RPS6KA6: variants seen among roughly 807,000 people sequenced by gnomAD.
RPS6KA6 encodes ribosomal protein S6 kinase A6.
Under a neutral mutation model 65.4 loss-of-function variants are expected in RPS6KA6, and 27 were observed. The ratio of observed to expected loss-of-function variants is 0.41; its 90% confidence interval spans 0.30 to 0.57. The LOEUF is 0.57. Among genes scored for constraint, RPS6KA6 ranks in the 20% least tolerant of loss-of-function variants. The pLI is 0.24. For synonymous variants in RPS6KA6, 190 were observed against 184.2 expected (o/e 1.03, Z -0.26); for missense variants, 486 against 555.6 (o/e 0.87, Z 1.26).
chrX:84,182,869 T>A (rs1420039341), intron 1 of RPS6KA6, among the ~76,000 whole-genome samples: 1 of 112,334 alleles, frequency 8.9e-6, no homozygotes, highest in Non-Finnish European at 1.9e-5. Flanking sequence ...GTACTGGTCA[T>A]TATTTTCAGA....
chrX:84,120,911 A>G (rs2034660417), intron 8 of RPS6KA6, among the ~76,000 whole-genome samples: 1 of 112,233 alleles, frequency 8.9e-6, no homozygotes, highest in Admixed American at 9.5e-5. Flanking sequence ...TTCAACACTT[A>G]CTATAAAGCT....
chrX:84,064,084 A>T lies in RPS6KA6; in HGVS notation c.*193T>A. On this transcript the variant is annotated 3_prime_UTR_variant, in exon 22 of 22. Transcript: ENST00000262752. ...ATGCTTAAATAAACACTTGAACACT[A>T]CTGCAAACACATAGTATGAATATTG... 2.3e-6 allele frequency: 1 copy of T among 429,227 alleles called. No individual in the cohort carries two copies. The highest frequency in any genetic ancestry group is 3.8e-6 in the Non-Finnish European group (1 of 262,534). The allele number at this position is 429,227 out of a possible 1,213,427, so 35.4% of individuals were successfully genotyped here.
intron 20 of RPS6KA6, among the ~76,000 whole-genome samples, chrX:84,071,304 AC>A (rs2033537722): frequency 8.9e-6 from 1 of 112,124 alleles, no homozygotes; most frequent in African/African-American, 3.2e-5. Flanking sequence ...ATCTGAAAGC[AC>A]TGGATGAAAA....
chrX:84,097,343 T>C (rs2034177488), intron 19 of RPS6KA6, among the ~76,000 whole-genome samples: 1 of 111,285 alleles, frequency 9.0e-6, no homozygotes, highest in South Asian at 3.7e-4. Flanking sequence ...TTTCTGCAGT[T>C]TAGTATTGTT....
At chrX:84,091,691 G>A (rs2034047685) in intron 20 of RPS6KA6, among the ~76,000 whole-genome samples, 1 of 111,734 alleles carries the variant, frequency 8.9e-6, no homozygotes, top group Non-Finnish European at 1.9e-5. Context: ...CCATTACAGG[G>A]TATATACCCA....
At chrX:84,116,125 T>C (rs2034560194) in intron 12 of RPS6KA6, 104 bp downstream of exon 12, 2 of 473,905 alleles carry the variant, frequency 4.2e-6, no homozygotes, top group Non-Finnish European at 7.0e-6. Flanking sequence ...AATATGTATG[T>C]AAATATTCCA....
chrX:84,071,651 A>T (rs2033545609), intron 20 of RPS6KA6, among the ~76,000 whole-genome samples: 1 of 111,795 alleles, frequency 8.9e-6, no homozygotes, highest in African/African-American at 3.2e-5. Flanking sequence ...TGATAAATGA[A>T]AAAGAGTTGG....
chrX:84,102,231 T>G, intron 17 of RPS6KA6, 33 bp from the exon 18 acceptor site: 1 of 687,628 alleles, frequency 1.5e-6, no homozygotes, highest in Non-Finnish European at 2.0e-6. Flanking sequence ...ATTATATCTA[T>G]ATAATTAACT....
At chrX:84,070,071 A>T (rs188509579) in intron 20 of RPS6KA6, among the ~76,000 whole-genome samples, 8 of 112,347 alleles carry the variant, frequency 7.1e-5, no homozygotes, top group Admixed American at 5.6e-4. Flanking sequence ...TATATACCCA[A>T]ATATTATAAA....
chrX:84,062,104 C>A lies in RPS6KA6; in HGVS notation c.*2173G>T. On this transcript the variant is annotated 3_prime_UTR_variant, in exon 22 of 22. Transcript: ENST00000262752. ...ATCTTTTATACACTGTCAGTCCTCA[C>A]TGGGTGATCAGAAATCATGCTGTTC... The A allele has an allele frequency of 9.0e-6, 1 of 111,513 alleles. No individual in the cohort carries two copies. Among genetic ancestry groups the A allele is most frequent in the East Asian group, 2.8e-4 (1 of 3,568 alleles). The allele number at this position is 111,513 out of a possible 1,213,427, so 9.2% of individuals were successfully genotyped here. A position where few individuals can be genotyped will look rare whatever the true frequency, so the allele number is the denominator to read the frequency against.
intron 1 of RPS6KA6, among the ~76,000 whole-genome samples, chrX:84,179,618 G>A (rs748633716): frequency 6.3e-5 from 7 of 111,431 alleles, no homozygotes; most frequent in African/African-American, 9.8e-5. Flanking sequence ...TTGAAAATCC[G>A]TATTGACTGA....
intron 20 of RPS6KA6, among the ~76,000 whole-genome samples, chrX:84,070,679 C>T (rs771779189): frequency 2.7e-5 from 3 of 111,203 alleles, no homozygotes; most frequent in South Asian, 3.8e-4. Context: ...TGAAGAATAA[C>T]GTAATTGGTT....
chrX:84,106,835 AC>A lies in RPS6KA6; in HGVS notation c.1242+74del, dbSNP rs1023632923. On this transcript the variant is annotated intron_variant, in intron 14 of 21. Coordinates refer to ENST00000262752, the MANE Select transcript of RPS6KA6 (RefSeq NM_014496.5). Reference sequence around the variant, plus strand: ...GAAGTTAAAAATCACTTTAAAAAAAACGATTAAAAATACATCAGCAATAACA... The same window carrying A: ...GAAGTTAAAAATCACTTTAAAAAAAAGATTAAAAATACATCAGCAATAACA... The A allele has an allele frequency of 1.2e-5, 10 of 851,257 alleles. No homozygotes were observed. In the Admixed American group the frequency reaches 1.4e-4, roughly 12 times the overall value. The allele number at this position is 851,257 out of a possible 1,213,427, so 70.2% of individuals were successfully genotyped here.
intron 20 of RPS6KA6, among the ~76,000 whole-genome samples, chrX:84,087,376 T>C (rs1255967634): frequency 9.0e-6 from 1 of 111,619 alleles, no homozygotes. Context: ...AAGCATTTAC[T>C]CATCTGAAAG....
At chrX:84,088,597 G>GA (rs1287032464) in intron 20 of RPS6KA6, among the ~76,000 whole-genome samples, 2 of 112,186 alleles carry the variant, frequency 1.8e-5, no homozygotes, top group Admixed American at 1.9e-4. Context: ...ACCCAGTCAG[G>GA]AGGGATGGGA....
At chrX:84,185,674 C>T (rs986040764) in intron 1 of RPS6KA6, among the ~76,000 whole-genome samples, 5 of 111,691 alleles carry the variant, frequency 4.5e-5, no homozygotes, top group African/African-American at 1.3e-4. Context: ...TTTCTTTTGA[C>T]ATTAAAGTTA....
intron 8 of RPS6KA6, among the ~76,000 whole-genome samples, chrX:84,128,044 G>A (rs1265279260): frequency 9.0e-6 from 1 of 111,166 alleles, no homozygotes; most frequent in African/African-American, 3.3e-5. Flanking sequence ...CTTTTTTACT[G>A]ATGGTATTAT....
chrX:84,104,085 A>G (rs1418038359), intron 17 of RPS6KA6, among the ~76,000 whole-genome samples: 1 of 110,845 alleles, frequency 9.0e-6, no homozygotes, highest in East Asian at 2.8e-4. Context: ...AATGTTTAGA[A>G]TACACATTTC....
intron 1 of RPS6KA6, among the ~76,000 whole-genome samples, chrX:84,173,136 TAA>T (rs1157743369): frequency 9.0e-6 from 1 of 110,951 alleles, no homozygotes; most frequent in African/African-American, 3.3e-5. Flanking sequence ...TTTATATATA[TAA>T]GACAATTTAA....
Sources: gnomAD v4.1 joint callset for allele counts (sites outside exome capture counted in the v4.1 genomes callset) on GRCh38, gnomAD v4.1.1 for gene constraint, MANE v1.5 for transcripts, NCBI Gene and HGNC (gene_info 2026-07-23, HGNC 2026-07-21) for gene names.